The following ZNF324 variants were observed in gnomAD, a reference collection of about 807,000 sequenced individuals.
The protein encoded by ZNF324 is zinc finger protein 324.
A neutral mutation model predicts 10.3 loss-of-function variants in ZNF324; 3 were observed. The observed-to-expected ratio is 0.29, with a 90% confidence interval of 0.13 to 0.75. ZNF324 has a LOEUF of 0.75. Among genes scored for constraint, ZNF324 ranks in the 30% least tolerant of loss-of-function variants. The probability of loss-of-function intolerance (pLI) is 0.69; values close to 1 mark genes in which losing one functional copy is unlikely to be tolerated. For missense variants in ZNF324, 763 were observed against 784.4 expected (o/e 0.97, Z 0.33); for synonymous variants, 430 against 339.5 (o/e 1.27, Z -2.93).
rs2053058446 is a variant in ZNF324 at position 58,473,769 on chromosome 19, T to C, written c.*1615T>C. 6.6e-6 allele frequency: 1 copy of C among 152,262 alleles called. No individual in the cohort carries two copies. The highest frequency in any genetic ancestry group is 2.4e-5 in the African/African-American group (1 of 41,450). The allele number at this position is 152,262 out of a possible 1,614,324, so 9.4% of individuals were successfully genotyped here. On this transcript the variant is annotated 3_prime_UTR_variant, in exon 4 of 4. Transcript: ENST00000196482. Reference sequence around the variant, plus strand: ...TCTGCAGCCCAGGGAGGGAGTGGGATACCTGTATCCTTTTCAGGGTCAGAG... The same window carrying C: ...TCTGCAGCCCAGGGAGGGAGTGGGACACCTGTATCCTTTTCAGGGTCAGAG...
In ZNF324 at chr19:58,473,100, G is replaced by A. The variant is rs1278833566; in HGVS notation, c.*946G>A. 5 of 152,660 alleles carry A rather than the reference G, an allele frequency of 3.3e-5. No homozygotes were observed. Among genetic ancestry groups the A allele is most frequent in the African/African-American group, 7.2e-5 (3 of 41,410 alleles). 9.5% of individuals were successfully genotyped at this position (152,660 alleles called of 1,614,324 possible). A position where few individuals can be genotyped will look rare whatever the true frequency, so the allele number is the denominator to read the frequency against. On this transcript the variant is annotated 3_prime_UTR_variant, in exon 4 of 4. Transcript: ENST00000196482. The stretch of plus-strand genomic sequence containing the variant: ...GAGGAGGAGGCTTTATACCTGAGGG[G>A]ATGATGTTAACTTCAGACAAGATGG...
At position 58,470,945 on chromosome 19, in the gene ZNF324, A is replaced by C; in HGVS notation, c.453A>C (p.Ser151=). 6.2e-7 allele frequency: 1 copy of C among 1,614,212 alleles called. No individual in the cohort carries two copies. Among genetic ancestry groups the C allele is most frequent in the African/African-American group, 1.3e-5 (1 of 75,070 alleles). ...ACTGGGAGAGGCTCCTGCTAGGCTC[A>C]GGCAGTGGGCAAGCCAGCGTCAGCC... ...VIYWERLLLG[S]GSGQASVSLR... The change falls in exon 4 of 4, where the codon TCA becomes TCC. Residue 151 remains serine, a synonymous_variant. Coordinates refer to ENST00000196482, the MANE Select transcript of ZNF324 (RefSeq NM_014347.3).
At position 58,471,473 on chromosome 19, in the gene ZNF324, G is replaced by A. The variant is rs770361324; in HGVS notation, c.981G>A (p.Ser327=). ...GCAAGGCCTTCCGGCATAGCTCCTC[G>A]CTGGTGCGGCACCAGCGCATCCACA... is the stretch of plus-strand genomic sequence containing the variant. ...VCGKAFRHSS[S]LVRHQRIHTA... Residue 327 remains serine (S), a synonymous_variant, in exon 4 of 4, where the codon TCG becomes TCA. Transcript: ENST00000196482. The A allele has an allele frequency of 1.1e-5, 18 of 1,592,676 alleles. No individual in the cohort carries two copies. The highest frequency in any genetic ancestry group is 1.7e-4 in the Middle Eastern group (1 of 5,852).
Position 58,471,924 on chromosome 19 carries a change from G to A in ZNF324, c.1432G>A (p.Glu478Lys), listed in dbSNP as rs1373823644. Residue 478 changes from glutamate to lysine, a missense_variant, in exon 4 of 4, where the codon GAG becomes AAG. This residue lies in a region of ZNF324 where 231 missense variants were observed against 196.0 expected (regional missense o/e 1.18). Transcript: ENST00000196482. ...CAGCCACCGGCGCATTCACACGGGC[G>A]AGAAGCCCTTCGTGTGTACGCAGTG... ...LLSHRRIHTGEKPFVCTQCGR... is the reference protein window; with the variant it reads ...LLSHRRIHTGKKPFVCTQCGR... 1.2e-6 allele frequency: 2 copies of A among 1,610,332 alleles called. No individual in the cohort carries two copies. The highest frequency in any genetic ancestry group is 1.7e-6 in the Non-Finnish European group (2 of 1,179,068).
At chr19:58,468,008 C>T (rs2052997229) in intron 1 of ZNF324, among the ~76,000 whole-genome samples, 2 of 151,710 alleles carry the variant, frequency 1.3e-5, no homozygotes. Flanking sequence ...TGGAGGTGGG[C>T]GACCAGGTGA....
intron 1 of ZNF324, chr19:58,468,246 G>A (rs1366397965): frequency 1.0e-6 from 1 of 985,384 alleles, no homozygotes; most frequent in Admixed American, 6.1e-5. Flanking sequence ...CAGGGCCTAT[G>A]AATTGGACTG....
Position 58,472,244 on chromosome 19 carries a change from C to G in ZNF324, c.*90C>G. The G allele has an allele frequency of 7.4e-7, 1 of 1,345,340 alleles. No homozygotes were observed. Among genetic ancestry groups the G allele is most frequent in the Non-Finnish European group, 9.9e-7 (1 of 1,011,240 alleles). 83.3% of individuals were successfully genotyped at this position (1,345,340 alleles called of 1,614,324 possible). On this transcript the variant is annotated 3_prime_UTR_variant, in exon 4 of 4. Transcript: ENST00000196482. ...GCAGATCCACAGCAGAGAAAAAGTCCCGTGCTTGCTAGTCAGGGACAAGGG... is the reference window on the plus strand; with the variant it reads ...GCAGATCCACAGCAGAGAAAAAGTCGCGTGCTTGCTAGTCAGGGACAAGGG...
In ZNF324 at chr19:58,471,791, C is replaced by A. The variant is rs1369326451; in HGVS notation, c.1299C>A (p.Ala433=). The stretch of plus-strand genomic sequence containing the variant: ...TCGCCTGCCCACAGTGCGGCCGCGC[C>A]TTTAGCCACAGCTCCAACCTCACCC... ...KPFACPQCGR[A]FSHSSNLTQH... Residue 433 remains alanine, a synonymous_variant, in exon 4 of 4, where the codon GCC becomes GCA. Coordinates refer to ENST00000196482, the MANE Select transcript of ZNF324 (RefSeq NM_014347.3). 6.2e-7 allele frequency: 1 copy of A among 1,613,170 alleles called. No individual in the cohort carries two copies.
At position 58,472,144 on chromosome 19, in the gene ZNF324, C is replaced by G. The variant is rs1216131337; in HGVS notation, c.1652C>G (p.Ala551Gly). The change falls in exon 4 of 4, where the codon GCG becomes GGG. Residue 551 changes from alanine to glycine, a missense_variant. This residue lies in a region of ZNF324 where 231 missense variants were observed against 196.0 expected (regional missense o/e 1.18). Coordinates refer to ENST00000196482, the MANE Select transcript of ZNF324 (RefSeq NM_014347.3). ...ASGPAAVSQPAEV is the reference protein window; with the variant it reads ...ASGPAAVSQPGEV ...GGCCCAGCCGCCGTCTCGCAGCCAGCGGAGGTCTGAGGTCACAGGTTGCAG... is the reference window on the plus strand; with the variant it reads ...GGCCCAGCCGCCGTCTCGCAGCCAGGGGAGGTCTGAGGTCACAGGTTGCAG... 1.3e-6 allele frequency: 2 copies of G among 1,578,634 alleles called. No homozygotes were observed. The highest frequency in any genetic ancestry group is 1.7e-5 in the Admixed American group (1 of 58,730).
In ZNF324 at chr19:58,471,467, C is replaced by T. The variant is rs1449652029; in HGVS notation, c.975C>T (p.Ser325=). ...TGTGCGGCAAGGCCTTCCGGCATAG[C>T]TCCTCGCTGGTGCGGCACCAGCGCA... ...CPVCGKAFRH[S]SSLVRHQRIH... The change falls in exon 4 of 4, where the codon AGC becomes AGT. Residue 325 remains serine (S), a synonymous_variant. Coordinates refer to ENST00000196482, the MANE Select transcript of ZNF324 (RefSeq NM_014347.3). 24 of 1,596,574 alleles carry T rather than the reference C, an allele frequency of 1.5e-5. No individual in the cohort carries two copies. In the Admixed American group the frequency reaches 3.3e-4, roughly 22 times the overall value.
Position 58,472,144 on chromosome 19 carries a change from C to T in ZNF324, c.1652C>T (p.Ala551Val), listed in dbSNP as rs1216131337. Residue 551 changes from alanine to valine, a missense_variant, in exon 4 of 4, where the codon GCG (alanine) becomes GTG (valine). By Grantham distance (64) the Ala-to-Val change is moderately conservative (BLOSUM62 0). Around this residue, in one of 3 missense-constraint regions of ZNF324, gnomAD observed 231 missense variants for 196.0 expected, o/e 1.18. Coordinates refer to ENST00000196482, the MANE Select transcript of ZNF324 (RefSeq NM_014347.3). ...GGCCCAGCCGCCGTCTCGCAGCCAG[C>T]GGAGGTCTGAGGTCACAGGTTGCAG... ...ASGPAAVSQP[A>V]EV The T allele has an allele frequency of 5.7e-6, 9 of 1,578,632 alleles. No homozygotes were observed. Among genetic ancestry groups the T allele is most frequent in the East Asian group, 2.3e-5 (1 of 44,436 alleles).
chr19:58,474,559 C>A lies in ZNF324; in HGVS notation c.*2405C>A, dbSNP rs1350286456. The A allele has an allele frequency of 6.6e-6, 1 of 152,064 alleles. No homozygotes were observed. The highest frequency in any genetic ancestry group is 2.1e-4 in the South Asian group (1 of 4,826). 9.4% of individuals were successfully genotyped at this position (152,064 alleles called of 1,614,324 possible). A position where few individuals can be genotyped will look rare whatever the true frequency, so the allele number is the denominator to read the frequency against. ...TCCCCTCCCCAAACCCATGACTGAT[C>A]AGTGGCCCCCAACCTAGGCTCCCAC... On this transcript the variant is annotated 3_prime_UTR_variant, in exon 4 of 4. Transcript: ENST00000196482.
In ZNF324 at chr19:58,470,906, G is replaced by A. The variant is rs1299895347; in HGVS notation, c.414G>A (p.Gly138=). 11 of 1,614,128 alleles carry A rather than the reference G, an allele frequency of 6.8e-6. No homozygotes were observed. In the South Asian group the frequency reaches 1.2e-4, roughly 18 times the overall value. The part of the protein sequence containing the change: ...ASPSRERKPT[G]VSVIYWERLL... ...CATCTCGGGAGAGAAAACCCACGGG[G>A]GTGTCGGTGATCTACTGGGAGAGGC... The change falls in exon 4 of 4, where the codon GGG becomes GGA. Residue 138 remains glycine, a synonymous_variant. Transcript: ENST00000196482.
chr19:58,470,933 C>A lies in ZNF324; in HGVS notation c.441C>A (p.Leu147=), dbSNP rs772301727. The change falls in exon 4 of 4, where the codon CTC becomes CTA. Residue 147 remains leucine, a synonymous_variant. Coordinates refer to ENST00000196482, the MANE Select transcript of ZNF324 (RefSeq NM_014347.3). Reference sequence around the variant, plus strand: ...TGTCGGTGATCTACTGGGAGAGGCTCCTGCTAGGCTCAGGCAGTGGGCAAG... The same window carrying A: ...TGTCGGTGATCTACTGGGAGAGGCTACTGCTAGGCTCAGGCAGTGGGCAAG... ...TGVSVIYWER[L]LLGSGSGQAS... 3 of 1,614,126 alleles carry A rather than the reference C, an allele frequency of 1.9e-6. No homozygotes were observed. The highest frequency in any genetic ancestry group is 2.2e-5 in the East Asian group (1 of 44,896).
At position 58,474,903 on chromosome 19, in the gene ZNF324, C is replaced by G. The variant is rs1053107609; in HGVS notation, c.*2749C>G. 2.0e-5 allele frequency: 3 copies of G among 152,254 alleles called. No homozygotes were observed. Among genetic ancestry groups the G allele is most frequent in the African/African-American group, 4.8e-5 (2 of 41,392 alleles). The allele number at this position is 152,254 out of a possible 1,614,324, so 9.4% of individuals were successfully genotyped here. On this transcript the variant is annotated 3_prime_UTR_variant, in exon 4 of 4. Coordinates refer to ENST00000196482, the MANE Select transcript of ZNF324 (RefSeq NM_014347.3). ...GACTTGGCGAAGAGGAGAGAGTTCC[C>G]ACCAGGCTGACTCCAGAACCGCAGA...
intron 1 of ZNF324, 195 bp downstream of exon 1, chr19:58,467,378 G>C (rs1172785456): frequency 6.6e-6 from 1 of 152,266 alleles, no homozygotes; most frequent in African/African-American, 2.4e-5. Context: ...GGCGTTCCAC[G>C]TCCATGATGG....
At position 58,472,016 on chromosome 19, in the gene ZNF324, C is replaced by A. The variant is rs201171317; in HGVS notation, c.1524C>A (p.Thr508=). The A allele has an allele frequency of 1.2e-6, 2 of 1,607,374 alleles. No individual in the cohort carries two copies. The highest frequency in any genetic ancestry group is 1.7e-6 in the Non-Finnish European group (2 of 1,179,720). The part of the protein sequence containing the change: ...HHQRIHTGEK[T]VRRSRASLHP... The stretch of plus-strand genomic sequence containing the variant: ...AGAGGATCCATACCGGCGAGAAGAC[C>A]GTCCGGCGATCCAGGGCCAGCCTGC... The change falls in exon 4 of 4, where the codon ACC becomes ACA. Residue 508 remains threonine (T), a synonymous_variant. Transcript: ENST00000196482.
rs1457969588 is a variant in ZNF324, at chr19:58,474,750, G to A, written c.*2596G>A. The A allele has an allele frequency of 6.6e-6, 1 of 152,214 alleles. No individual in the cohort carries two copies. Among genetic ancestry groups the A allele is most frequent in the Non-Finnish European group, 1.5e-5 (1 of 68,066 alleles). The allele number at this position is 152,214 out of a possible 1,614,324, so 9.4% of individuals were successfully genotyped here. On this transcript the variant is annotated 3_prime_UTR_variant, in exon 4 of 4. Transcript: ENST00000196482. The stretch of plus-strand genomic sequence containing the variant: ...TCAGAAATCCACTGAAACCACAGAG[G>A]GGAGTATTTAAAACACATAACCCAC...
In ZNF324 at chr19:58,472,004, C is replaced by T. The variant is rs748264086; in HGVS notation, c.1512C>T (p.Thr504=). Residue 504 remains threonine (T), a synonymous_variant, in exon 4 of 4, where the codon ACC becomes ACT. Coordinates refer to ENST00000196482, the MANE Select transcript of ZNF324 (RefSeq NM_014347.3). ...PALFHHQRIH[T]GEKTVRRSRA... ...TCTTCCACCACCAGAGGATCCATAC[C>T]GGCGAGAAGACCGTCCGGCGATCCA... The T allele has an allele frequency of 5.0e-6, 8 of 1,608,138 alleles. No homozygotes were observed. The African/African-American group carries it at 6.7e-5, about 13-fold the overall frequency.
Sources: gnomAD v4.1 joint callset for allele counts (sites outside exome capture counted in the v4.1 genomes callset) on GRCh38, gnomAD v4.1.1 for gene constraint, gnomAD v4.1.1 regional missense constraint, MANE v1.5 for transcripts, NCBI Gene and HGNC (gene_info 2026-07-23, HGNC 2026-07-21) for gene names.